The following BTRC variants were observed in gnomAD, a reference collection of about 807,000 sequenced individuals.
The protein encoded by BTRC is F-box/WD repeat-containing protein 1A.
Under a neutral mutation model 85.5 loss-of-function variants are expected in BTRC, and 42 were observed. That is an observed-to-expected ratio of 0.49 (90% CI 0.38 to 0.64). The LOEUF is 0.64. Among genes scored for constraint, BTRC ranks in the 30% least tolerant of loss-of-function variants. The pLI, the probability that BTRC is intolerant of heterozygous loss-of-function variation, is 0.00. For missense variants in BTRC, 594 were observed against 743.5 expected, an observed-to-expected ratio of 0.80 and a Z score of 2.34; for synonymous variants, 255 against 263.3, an observed-to-expected ratio of 0.97 and a Z score of 0.30.
chr10:101,497,746 G>A (rs1946299213), intron 4 of BTRC, among the ~76,000 whole-genome samples: 1 of 152,002 alleles, frequency 6.6e-6, no homozygotes, highest in African/African-American at 2.4e-5. Context: ...AGTTGGCTGG[G>A]CGTGATGACT....
At chr10:101,466,203 T>C (rs1025583232) in intron 3 of BTRC, among the ~76,000 whole-genome samples, 5 of 152,182 alleles carry the variant, frequency 3.3e-5, no homozygotes, top group Non-Finnish European at 5.9e-5. Flanking sequence ...CCATCCCCCA[T>C]TTCCTTTGTG....
At chr10:101,435,209 A>G (rs1349762929) in intron 2 of BTRC, among the ~76,000 whole-genome samples, 1 of 152,056 alleles carries the variant, frequency 6.6e-6, no homozygotes, top group Non-Finnish European at 1.5e-5. Context: ...TTAGATTTTT[A>G]TTTAGGTAAA....
At chr10:101,511,802 C>T (rs935578024) in intron 4 of BTRC, among the ~76,000 whole-genome samples, 35 of 152,186 alleles carry the variant, frequency 2.3e-4, no homozygotes, top group African/African-American at 8.4e-4. Flanking sequence ...GCTGGGATTA[C>T]AGGCGTGAGC....
At chr10:101,387,819 A>G (rs1277546499) in intron 1 of BTRC, among the ~76,000 whole-genome samples, 3 of 151,886 alleles carry the variant, frequency 2.0e-5, no homozygotes, top group Non-Finnish European at 4.4e-5. Context: ...CCTCCTGAGT[A>G]GCTGGGATTA....
At chr10:101,367,045 T>TATAA (rs1942478752) in intron 1 of BTRC, among the ~76,000 whole-genome samples, 1 of 40,452 alleles carries the variant, frequency 2.5e-5, no homozygotes. Flanking sequence ...TATATATAAA[T>TATAA]ATATATATAT....
chr10:101,477,338 T>G (rs1438297042), intron 3 of BTRC, among the ~76,000 whole-genome samples: 1 of 151,854 alleles, frequency 6.6e-6, no homozygotes, highest in Non-Finnish European at 1.5e-5. Context: ...TCCAGATGAT[T>G]CTGATGCGCA....
chr10:101,462,938 G>A, intron 3 of BTRC, among the ~76,000 whole-genome samples: 1 of 151,728 alleles, frequency 6.6e-6, no homozygotes, highest in Non-Finnish European at 1.5e-5. Flanking sequence ...CGTGATCTCG[G>A]CTCACTGCAA....
intron 1 of BTRC, among the ~76,000 whole-genome samples, chr10:101,386,653 G>A (rs1488599281): frequency 2.6e-5 from 4 of 152,134 alleles, no homozygotes; most frequent in Non-Finnish European, 4.4e-5. Flanking sequence ...AAGAACCAAG[G>A]ACTTGTTTGA....
At chr10:101,478,248 C>G (rs1261883230) in intron 3 of BTRC, among the ~76,000 whole-genome samples, 1 of 151,554 alleles carries the variant, frequency 6.6e-6, no homozygotes, top group Non-Finnish European at 1.5e-5. Context: ...TTGTAGTGAG[C>G]CGAGATTGTG....
At chr10:101,487,874 A>C (rs560489340) in intron 4 of BTRC, among the ~76,000 whole-genome samples, 1 of 152,276 alleles carries the variant, frequency 6.6e-6, no homozygotes, top group African/African-American at 2.4e-5. Context: ...GTTTTATGTT[A>C]CTTTTTTTCT....
At chr10:101,507,452 G>T (rs1010386496) in intron 4 of BTRC, among the ~76,000 whole-genome samples, 1 of 152,212 alleles carries the variant, frequency 6.6e-6, no homozygotes, top group African/African-American at 2.4e-5. Flanking sequence ...CCGATCCGGG[G>T]AAATGATGAT....
intron 1 of BTRC, among the ~76,000 whole-genome samples, chr10:101,392,345 A>C (rs920584480): frequency 1.1e-4 from 17 of 152,240 alleles, no homozygotes; most frequent in African/African-American, 3.9e-4. Flanking sequence ...GAATGAGGGA[A>C]GAAACCATTG....
At chr10:101,397,074 G>C (rs1402484769) in intron 1 of BTRC, among the ~76,000 whole-genome samples, 1 of 152,204 alleles carries the variant, frequency 6.6e-6, no homozygotes, top group African/African-American at 2.4e-5. Context: ...AAAGTGCTGA[G>C]ATTACAGGCA....
At chr10:101,366,947 T>TA (rs1942445152) in intron 1 of BTRC, among the ~76,000 whole-genome samples, 2 of 42,098 alleles carry the variant, frequency 4.8e-5, no homozygotes, top group East Asian at 6.1e-4. Context: ...TTTATATATA[T>TA]TTATATATAT....
chr10:101,385,609 C>CT (rs1336129170), intron 1 of BTRC, among the ~76,000 whole-genome samples: 8 of 23,134 alleles, frequency 3.5e-4, no homozygotes, highest in Admixed American at 6.8e-4. Flanking sequence ...TTCTTTCTTT[C>CT]TTCTTCTTCT....
chr10:101,367,207 A>G (rs995891880), intron 1 of BTRC, among the ~76,000 whole-genome samples: 1 of 147,580 alleles, frequency 6.8e-6, no homozygotes, highest in African/African-American at 2.5e-5. Context: ...AGTGGCTGGG[A>G]CTACATGCGC....
chr10:101,545,126 G>A (rs1233046522), intron 13 of BTRC, among the ~76,000 whole-genome samples: 1 of 151,514 alleles, frequency 6.6e-6, no homozygotes, highest in Non-Finnish European at 1.5e-5. Flanking sequence ...TTTTCTTCTG[G>A]CTTGGTTTCT....
chr10:101,483,817 T>C (rs951378810), intron 4 of BTRC, among the ~76,000 whole-genome samples: 1 of 152,234 alleles, frequency 6.6e-6, no homozygotes, highest in Middle Eastern at 3.2e-3. Flanking sequence ...TTAAAATCCA[T>C]AATCACATTG....
At chr10:101,366,677 G>A (rs1942384062) in intron 1 of BTRC, among the ~76,000 whole-genome samples, 1 of 146,374 alleles carries the variant, frequency 6.8e-6, no homozygotes, top group Non-Finnish European at 1.5e-5. Context: ...CAGGTGCAGT[G>A]AGTTATAGGT....
Sources: allele counts gnomAD v4.1 joint callset (sites outside exome capture counted in the v4.1 genomes callset), GRCh38; gene constraint gnomAD v4.1.1; transcripts MANE v1.5; gene names NCBI Gene and HGNC (gene_info 2026-07-23, HGNC 2026-07-21).